TRIM2: variants seen among roughly 807,000 people sequenced by gnomAD.
TRIM2 encodes the protein tripartite motif-containing protein 2.
Under a neutral mutation model 75.2 loss-of-function variants are expected in TRIM2, and 20 were observed. That is an observed-to-expected ratio of 0.27 (90% CI 0.19 to 0.39). TRIM2 has a LOEUF of 0.39. TRIM2 is among the 10% of genes least tolerant of loss of function. TRIM2 has a pLI of 1.00. For missense variants in TRIM2, 660 were observed against 990.8 expected, an observed-to-expected ratio of 0.67 and a Z score of 4.48; for synonymous variants, 373 against 388.3, an observed-to-expected ratio of 0.96 and a Z score of 0.46.
In TRIM2 at chr4:153,193,576, A is replaced by G. The variant is rs535199761; in HGVS notation, c.-49+40306A>G. Among the ~76,000 whole-genome samples the G allele has an allele frequency of 5.9e-5, 9 of 152,314 alleles. No homozygotes were observed. The South Asian group carries it at 1.7e-3, about 28-fold the overall frequency. ...TGCTAAACACTGTTCTAAATGATTG[A>G]CAACTATATCTCATTTAATCCTCAC... On this transcript the variant is annotated intron_variant, in intron 1 of 11. Coordinates refer to the TRIM2 transcript ENST00000437508.
chr4:153,243,158 G>A (rs1363272839), intron 1 of TRIM2, among the ~76,000 whole-genome samples: 1 of 152,228 alleles, frequency 6.6e-6, no homozygotes, highest in African/African-American at 2.4e-5. Flanking sequence ...CCAAGGCAAG[G>A]AGGGAAGTGG....
chr4:153,163,588 G>A (rs1183534955), intron 1 of TRIM2, among the ~76,000 whole-genome samples: 4 of 129,264 alleles, frequency 3.1e-5, no homozygotes, highest in African/African-American at 5.9e-5. Flanking sequence ...TGCAACCTCC[G>A]CTTCCCAGGT....
intron 1 of TRIM2, among the ~76,000 whole-genome samples, chr4:153,190,985 C>T (rs1310956933): frequency 1.3e-5 from 2 of 152,218 alleles, no homozygotes; most frequent in Non-Finnish European, 2.9e-5. Flanking sequence ...GATCCACCAC[C>T]TCAGCTTCCC....
intron 1 of TRIM2, among the ~76,000 whole-genome samples, chr4:153,251,954 C>T (rs969979492): frequency 1.2e-3 from 176 of 151,756 alleles, no homozygotes; most frequent in Non-Finnish European, 2.2e-3. Flanking sequence ...CCAGCTTGGG[C>T]AACAGGGTGA....
At position 153,275,881 on chromosome 4, in the gene TRIM2, C is replaced by T. The variant is rs377054110; in HGVS notation, c.216-12C>T. 1.2e-6 allele frequency: 2 copies of T among 1,611,888 alleles called. No homozygotes were observed. Among genetic ancestry groups the T allele is most frequent in the Non-Finnish European group, 1.7e-6 (2 of 1,178,100 alleles). ...CACTGTGCTAAGCTCTCCACCTCTG[C>T]TTCTGCAACAGGTGCCTGCAGAACT... On this transcript the variant is annotated splice_polypyrimidine_tract_variant and intron_variant, in intron 2 of 11. Transcript: ENST00000338700.
chr4:153,301,422 T>A (rs1029636752), intron 6 of TRIM2, among the ~76,000 whole-genome samples: 4 of 152,192 alleles, frequency 2.6e-5, no homozygotes, highest in African/African-American at 9.7e-5. Context: ...CTTATCAAGA[T>A]GTAATATTCT....
intron 1 of TRIM2, among the ~76,000 whole-genome samples, chr4:153,213,975 A>T (rs772685613): frequency 1.0e-4 from 15 of 150,412 alleles, no homozygotes; most frequent in Non-Finnish European, 1.9e-4. Flanking sequence ...GCTTAGCACC[A>T]TAAGACATAG....
At chr4:153,165,803 C>A (rs1051681631) in intron 1 of TRIM2, among the ~76,000 whole-genome samples, 9 of 152,094 alleles carry the variant, frequency 5.9e-5, no homozygotes, top group Middle Eastern at 3.2e-3. Flanking sequence ...TCCTTATGAA[C>A]TATTTTTTCT....
chr4:153,261,705 G>T (rs191466639), intron 1 of TRIM2, among the ~76,000 whole-genome samples: 4 of 152,254 alleles, frequency 2.6e-5, no homozygotes, highest in Admixed American at 2.6e-4. Flanking sequence ...TTTAACTTTG[G>T]CTTTTCTCTG....
intron 3 of TRIM2, among the ~76,000 whole-genome samples, chr4:153,277,684 T>C (rs537913848): frequency 2.6e-4 from 40 of 152,330 alleles, no homozygotes; most frequent in African/African-American, 9.1e-4. Flanking sequence ...GGGCACATTG[T>C]AAAAGCTAGC....
chr4:153,267,435 G>A (rs1256331272), intron 1 of TRIM2, among the ~76,000 whole-genome samples: 2 of 151,952 alleles, frequency 1.3e-5, no homozygotes, highest in African/African-American at 2.4e-5. Context: ...GGTGGATCAC[G>A]AGGTCAGGAG....
chr4:153,158,304 A>T (rs1207795151), intron 1 of TRIM2, among the ~76,000 whole-genome samples: 3 of 152,252 alleles, frequency 2.0e-5, no homozygotes, highest in Non-Finnish European at 4.4e-5. Flanking sequence ...TTATTATATG[A>T]AATTAGTAAG....
chr4:153,157,396 C>T (rs1341825002), intron 1 of TRIM2, among the ~76,000 whole-genome samples: 1 of 152,114 alleles, frequency 6.6e-6, no homozygotes, highest in African/African-American at 2.4e-5. Context: ...ATTTCACTAT[C>T]AATGAGAAGG....
chr4:153,274,678 G>A (rs930694285), intron 2 of TRIM2, among the ~76,000 whole-genome samples: 1 of 152,176 alleles, frequency 6.6e-6, no homozygotes, highest in African/African-American at 2.4e-5. Flanking sequence ...AAACTGTATT[G>A]ACTCAGAAAA....
chr4:153,275,053 A>G (rs75479421), intron 2 of TRIM2, among the ~76,000 whole-genome samples: 1,902 of 152,270 alleles, frequency 0.012, 28 homozygotes, highest in African/African-American at 0.044. Flanking sequence ...TTGAGAGCTT[A>G]GATTATGGTG....
At chr4:153,291,030 A>G (rs1761743437) in intron 3 of TRIM2, among the ~76,000 whole-genome samples, 2 of 152,170 alleles carry the variant, frequency 1.3e-5, no homozygotes, top group South Asian at 4.1e-4. Context: ...ATGAAATTAC[A>G]GCCTTATATG....
chr4:153,209,411 T>C (rs948593216), intron 1 of TRIM2, among the ~76,000 whole-genome samples: 3 of 152,178 alleles, frequency 2.0e-5, no homozygotes, highest in Non-Finnish European at 4.4e-5. Context: ...GGGAGTTGTT[T>C]AGATATGCAT....
chr4:153,195,246 C>T (rs1013589876), intron 1 of TRIM2, among the ~76,000 whole-genome samples: 22 of 151,996 alleles, frequency 1.4e-4, no homozygotes, highest in African/African-American at 4.1e-4. Context: ...CAGCTAGGCA[C>T]GGTGGCTGAG....
At position 153,163,280 on chromosome 4, in the gene TRIM2, G is replaced by A. The variant is rs569379594; in HGVS notation, c.-49+10010G>A. On this transcript the variant is annotated intron_variant, in intron 1 of 11. Transcript: ENST00000437508. The stretch of plus-strand genomic sequence containing the variant: ...GGCCCACTACAGCCTCCAACTCCTG[G>A]GCTCAGGCAATCCTCCCATCTCAGC... Among the ~76,000 whole-genome samples, 146 of 152,122 alleles carry A rather than the reference G, an allele frequency of 9.6e-4. 1 individual carries two copies. Among genetic ancestry groups the A allele is most frequent in the African/African-American group, 3.4e-3 (139 of 41,492 alleles).
Sources: allele counts gnomAD v4.1 joint callset (sites outside exome capture counted in the v4.1 genomes callset), GRCh38; gene constraint gnomAD v4.1.1; transcripts MANE v1.5; gene names NCBI Gene and HGNC (gene_info 2026-07-23, HGNC 2026-07-21).